The following KHDRBS2 variants were observed in gnomAD, a reference collection of about 807,000 sequenced individuals.
KHDRBS2 encodes KH RNA binding domain containing, signal transduction associated 2.
KHDRBS2 carries 26 observed loss-of-function variants against 44.3 expected under a neutral mutation model. That is an observed-to-expected ratio of 0.59 (90% CI 0.43 to 0.81). KHDRBS2 has a LOEUF of 0.81. KHDRBS2 is among the 40% of genes least tolerant of loss of function. The probability of loss-of-function intolerance (pLI) is 0.00; values close to 1 mark genes in which losing one functional copy is unlikely to be tolerated. For missense variants in KHDRBS2, 476 were observed against 433.1 expected (o/e 1.10, Z -0.88); for synonymous variants, 194 against 151.1 (o/e 1.28, Z -2.08).
At chr6:61,862,707 C>A (rs1404143950) in intron 6 of KHDRBS2, among the ~76,000 whole-genome samples, 2 of 152,048 alleles carry the variant, frequency 1.3e-5, no homozygotes, top group African/African-American at 2.4e-5. Flanking sequence ...TGATATACCG[C>A]TGAATTCAGT....
chr6:61,885,146 G>A (rs1800761179), intron 6 of KHDRBS2, among the ~76,000 whole-genome samples: 1 of 151,774 alleles, frequency 6.6e-6, no homozygotes, highest in Non-Finnish European at 1.5e-5. Context: ...CTTTTTGGAG[G>A]TCTACGTTTT....
chr6:61,685,743 G>T (rs895718325), intron 8 of KHDRBS2, among the ~76,000 whole-genome samples: 1 of 151,710 alleles, frequency 6.6e-6, no homozygotes. Flanking sequence ...CAAATACTGT[G>T]CGAAATGAGG....
intron 1 of KHDRBS2, among the ~76,000 whole-genome samples, chr6:62,185,895 A>T (rs1304290423): frequency 6.6e-5 from 10 of 152,090 alleles, no homozygotes; most frequent in African/African-American, 2.4e-4. Context: ...TTCGTATGTT[A>T]AATATTCAGG....
intron 6 of KHDRBS2, among the ~76,000 whole-genome samples, chr6:61,797,723 TTTTGTG>T (rs781048991): frequency 0.07 from 9,135 of 130,344 alleles, 340 homozygotes; most frequent in Middle Eastern, 0.12. Flanking sequence ...CAGTATGGTG[TTTTGTG>T]TGTGTGTGTG....
At chr6:62,028,302 T>G (rs1783739989) in intron 3 of KHDRBS2, among the ~76,000 whole-genome samples, 1 of 152,124 alleles carries the variant, frequency 6.6e-6, no homozygotes, top group South Asian at 2.1e-4. Flanking sequence ...AACTATAGAT[T>G]TCATAAAATA....
At chr6:62,021,203 A>G (rs890544923) in intron 3 of KHDRBS2, among the ~76,000 whole-genome samples, 2 of 151,996 alleles carry the variant, frequency 1.3e-5, no homozygotes, top group Non-Finnish European at 2.9e-5. Flanking sequence ...TGGGAGCTAA[A>G]TGATGAGAAC....
the KHDRBS2 span, among the ~76,000 whole-genome samples, chr6:61,577,426 G>A: frequency 6.6e-6 from 1 of 152,120 alleles, no homozygotes; most frequent in South Asian, 2.1e-4. Context: ...CACCGTGTCA[G>A]AGACATTCAC....
chr6:61,754,945 G>A (rs1355427953), intron 6 of KHDRBS2, among the ~76,000 whole-genome samples: 1 of 152,082 alleles, frequency 6.6e-6, no homozygotes, highest in East Asian at 1.9e-4. Flanking sequence ...AATTTTCATT[G>A]CAATTTTGAT....
intron 4 of KHDRBS2, among the ~76,000 whole-genome samples, chr6:61,954,749 CACATGCATATGTATGTAT>C (rs1562512455): frequency 1.1e-4 from 11 of 104,170 alleles, no homozygotes; most frequent in African/African-American, 3.6e-4. Context: ...TGTGTATATA[CACATGCATATGTATGTAT>C]ACATACATAT....
intron 1 of KHDRBS2, among the ~76,000 whole-genome samples, chr6:62,275,719 C>A (rs1840828251): frequency 6.6e-6 from 1 of 152,090 alleles, no homozygotes; most frequent in African/African-American, 2.4e-5. Flanking sequence ...AAGTTATGTT[C>A]TTTAATATTG....
At chr6:62,041,439 T>C (rs918577394) in intron 3 of KHDRBS2, among the ~76,000 whole-genome samples, 3 of 152,140 alleles carry the variant, frequency 2.0e-5, no homozygotes, top group Non-Finnish European at 4.4e-5. Context: ...TTCTGGCTTA[T>C]AAATTGTAAA....
At chr6:61,774,055 T>C (rs1781496854) in intron 6 of KHDRBS2, among the ~76,000 whole-genome samples, 1 of 152,190 alleles carries the variant, frequency 6.6e-6, no homozygotes, top group African/African-American at 2.4e-5. Flanking sequence ...AGCCTTGTAG[T>C]ATAGTTTGAA....
chr6:61,712,629 A>G (rs1770702338), intron 7 of KHDRBS2, among the ~76,000 whole-genome samples: 1 of 151,914 alleles, frequency 6.6e-6, no homozygotes, highest in African/African-American at 2.4e-5. Flanking sequence ...TAAAGTCCTG[A>G]ACATGGCAAA....
chr6:61,627,558 G>A, the KHDRBS2 span, among the ~76,000 whole-genome samples: 1 of 152,286 alleles, frequency 6.6e-6, no homozygotes, highest in East Asian at 1.9e-4. Context: ...AGAAGAAGGA[G>A]GCTGAATTTT....
chr6:61,939,831 A>T (rs535931019), intron 4 of KHDRBS2, among the ~76,000 whole-genome samples: 8 of 152,212 alleles, frequency 5.3e-5, no homozygotes, highest in Non-Finnish European at 7.3e-5. Flanking sequence ...AAGGCTATGG[A>T]GATGCAAAAT....
chr6:61,821,425 G>A (rs1431150598), intron 6 of KHDRBS2, among the ~76,000 whole-genome samples: 1 of 151,984 alleles, frequency 6.6e-6, no homozygotes, highest in Non-Finnish European at 1.5e-5. Flanking sequence ...TGCATCATTA[G>A]TGGACACAGG....
chr6:62,092,713 T>C (rs1799710319), intron 2 of KHDRBS2, among the ~76,000 whole-genome samples: 1 of 152,188 alleles, frequency 6.6e-6, no homozygotes, highest in Non-Finnish European at 1.5e-5. Context: ...GTGACTTTAA[T>C]TTACAGGCAA....
chr6:62,165,939 G>A (rs1818597604), intron 2 of KHDRBS2, among the ~76,000 whole-genome samples: 1 of 151,836 alleles, frequency 6.6e-6, no homozygotes, highest in Non-Finnish European at 1.5e-5. Context: ...CAAAAACTCG[G>A]TACCCATTAA....
intron 6 of KHDRBS2, among the ~76,000 whole-genome samples, chr6:61,887,230 A>T (rs1194831958): frequency 6.6e-6 from 1 of 152,246 alleles, no homozygotes; most frequent in Non-Finnish European, 1.5e-5. Flanking sequence ...GTGAGTTAAT[A>T]CACAGTGACT....
Sources: allele counts gnomAD v4.1 joint callset (sites outside exome capture counted in the v4.1 genomes callset), GRCh38; gene constraint gnomAD v4.1.1; transcripts MANE v1.5; gene names NCBI Gene and HGNC (gene_info 2026-07-23, HGNC 2026-07-21).